KIF11: variants seen among roughly 807,000 people sequenced by gnomAD.
KIF11 encodes the protein kinesin-like protein KIF11.
Under a neutral mutation model 121.0 loss-of-function variants are expected in KIF11, and 9 were observed. The ratio of observed to expected loss-of-function variants is 0.07; its 90% confidence interval spans 0.04 to 0.13. The LOEUF (loss-of-function observed/expected upper bound fraction) is 0.13. Ranked by LOEUF, KIF11 falls within the 10% of genes least tolerant of loss-of-function variation. The pLI is 1.00. For synonymous variants in KIF11, 408 were observed against 421.0 expected, an observed-to-expected ratio of 0.97 and a Z score of 0.38; for missense variants, 846 against 1,217.5, an observed-to-expected ratio of 0.69 and a Z score of 4.54.
Position 92,637,377 on chromosome 10 carries a change from T to C in KIF11, c.2002-10T>C. On this transcript the variant is annotated splice_polypyrimidine_tract_variant and intron_variant, in intron 15 of 21. Transcript: ENST00000260731. ...GTTTAAGAAGGAAACTCATTTTTGT[T>C]TCTTCAAAGATAGAAGATCAAAAAA... The C allele has an allele frequency of 2.5e-6, 4 of 1,578,882 alleles. No individual in the cohort carries two copies. Among genetic ancestry groups the C allele is most frequent in the Non-Finnish European group, 3.4e-6 (4 of 1,171,710 alleles).
intron 9 of KIF11, among the ~76,000 whole-genome samples, chr10:92,617,985 G>A (rs965640263): frequency 7.2e-5 from 11 of 151,994 alleles, no homozygotes; most frequent in Admixed American, 1.3e-4. Context: ...TAATCTGCCC[G>A]CCTCAGCCTC....
At chr10:92,599,963 T>TA (rs1193306891) in intron 1 of KIF11, among the ~76,000 whole-genome samples, 17 of 147,508 alleles carry the variant, frequency 1.2e-4, no homozygotes, top group African/African-American at 2.8e-4. Flanking sequence ...TTTTTTTTTT[T>TA]AATTAACTAT....
chr10:92,602,805 TAA>T (rs1202606488), intron 1 of KIF11, among the ~76,000 whole-genome samples: 1 of 109,370 alleles, frequency 9.1e-6, no homozygotes, highest in Non-Finnish European at 1.8e-5. Context: ...CCTGGTTACT[TAA>T]ACACACACAC....
chr10:92,621,437 A>C lies in KIF11; in HGVS notation c.1181A>C (p.Glu394Ala), dbSNP rs1484500210. Residue 394 changes from glutamate to alanine, a missense_variant, in exon 10 of 22, where the codon GAG becomes GCG. Coordinates refer to ENST00000260731, the MANE Select transcript of KIF11 (RefSeq NM_004523.4). ...RLKRDLAAAR[E>A]KNGVYISEEN... Reference sequence around the variant, plus strand: ...AAACGAGATCTTGCTGCAGCCCGTGAGAAAAATGGAGTGTATATTTCTGAA... The same window carrying C: ...AAACGAGATCTTGCTGCAGCCCGTGCGAAAAATGGAGTGTATATTTCTGAA... 1.9e-6 allele frequency: 3 copies of C among 1,613,374 alleles called. No individual in the cohort carries two copies. Among genetic ancestry groups the C allele is most frequent in the Non-Finnish European group, 2.5e-6 (3 of 1,179,376 alleles).
intron 18 of KIF11, among the ~76,000 whole-genome samples, chr10:92,647,491 G>A (rs903207281): frequency 6.6e-6 from 1 of 152,060 alleles, no homozygotes; most frequent in Non-Finnish European, 1.5e-5. Context: ...GGTGAATTCT[G>A]GTTCAAACAA....
chr10:92,605,446 GT>G (rs1374097112), intron 1 of KIF11, among the ~76,000 whole-genome samples: 3 of 142,868 alleles, frequency 2.1e-5, no homozygotes, highest in South Asian at 2.2e-4. Flanking sequence ...AATTTGACAT[GT>G]TTTTTTCTAC....
chr10:92,609,615 T>A, intron 6 of KIF11, 106 bp downstream of exon 6: 2 of 1,037,420 alleles, frequency 1.9e-6, no homozygotes, highest in Non-Finnish European at 2.8e-6. Context: ...GTCACGTACC[T>A]AGAGTTTGTG....
In KIF11 at chr10:92,630,867, C is replaced by CAAA. The variant is rs58123701; in HGVS notation, c.1494+519_1494+521dup. Among the ~76,000 whole-genome samples the CAAA allele has an allele frequency of 3.9e-4, 39 of 99,918 alleles. No homozygotes were observed. The East Asian group carries it at 5.3e-3, about 14-fold the overall frequency. The allele number at this position is 99,918 out of a possible 152,430, so 65.6% of individuals were successfully genotyped here. On this transcript the variant is annotated intron_variant, in intron 12 of 21. Transcript: ENST00000260731. ...GGGCAACAAGAGCGAAACTCCGTCTCAAAAAAAAAAAAAAAAAAGAAAATA... is the reference window on the plus strand; with the variant it reads ...GGGCAACAAGAGCGAAACTCCGTCTCAAAAAAAAAAAAAAAAAAAAAGAAAATA...
chr10:92,651,520 T>G (rs1564719305), intron 21 of KIF11, among the ~76,000 whole-genome samples: 1 of 73,720 alleles, frequency 1.4e-5, no homozygotes, highest in Non-Finnish European at 2.4e-5. Flanking sequence ...TTTTTTTTTT[T>G]TTTTTTTTTT....
chr10:92,643,926 T>C (rs1844893466), intron 17 of KIF11, among the ~76,000 whole-genome samples: 1 of 152,176 alleles, frequency 6.6e-6, no homozygotes, highest in South Asian at 2.1e-4. Flanking sequence ...TTCAACCCTG[T>C]TTTTGATCCT....
intron 14 of KIF11, among the ~76,000 whole-genome samples, chr10:92,635,932 A>G (rs755033321): frequency 1.3e-5 from 2 of 152,234 alleles, no homozygotes; most frequent in African/African-American, 2.4e-5. Flanking sequence ...CAGTAGACCT[A>G]TAAGTATTTA....
intron 1 of KIF11, among the ~76,000 whole-genome samples, chr10:92,598,447 T>C (rs74929583): frequency 0.035 from 5,361 of 152,310 alleles, 356 homozygotes; most frequent in African/African-American, 0.12. Flanking sequence ...GTTCCATTGG[T>C]CTATAAGTCT....
intron 10 of KIF11, among the ~76,000 whole-genome samples, chr10:92,628,170 C>T (rs571253543): frequency 6.6e-6 from 1 of 152,020 alleles, no homozygotes; most frequent in South Asian, 2.1e-4. Flanking sequence ...CAGGACATCC[C>T]CACAATGAAG....
At chr10:92,644,914 G>A (rs759650309) in intron 17 of KIF11, among the ~76,000 whole-genome samples, 11 of 152,096 alleles carry the variant, frequency 7.2e-5, no homozygotes, top group Non-Finnish European at 1.6e-4. Flanking sequence ...TTATTAGAAA[G>A]CTTTATAGCT....
chr10:92,638,488 G>GT (rs1310795300), intron 16 of KIF11, among the ~76,000 whole-genome samples: 2 of 152,106 alleles, frequency 1.3e-5, no homozygotes, highest in Non-Finnish European at 2.9e-5. Flanking sequence ...CTTTTTAGGT[G>GT]TATATTCTAA....
At chr10:92,635,235 TAGG>T (rs1237680618) in intron 14 of KIF11, among the ~76,000 whole-genome samples, 1 of 152,202 alleles carries the variant, frequency 6.6e-6, no homozygotes, top group East Asian at 1.9e-4. Context: ...CATTATTTGA[TAGG>T]TTTTCTCAAT....
At chr10:92,652,623 A>G (rs1049171922) in intron 21 of KIF11, among the ~76,000 whole-genome samples, 1 of 152,200 alleles carries the variant, frequency 6.6e-6, no homozygotes, top group Admixed American at 6.5e-5. Context: ...TTAGAGAACT[A>G]TAAATATGTT....
chr10:92,618,537 T>C (rs1844583864), intron 9 of KIF11, among the ~76,000 whole-genome samples: 1 of 150,408 alleles, frequency 6.6e-6, no homozygotes, highest in African/African-American at 2.5e-5. Context: ...TCCCAGTTAC[T>C]CAGGAGGCTG....
chr10:92,630,203 A>T lies in KIF11; in HGVS notation c.1333A>T (p.Asn445Tyr), dbSNP rs1365304238. 1.3e-6 allele frequency: 2 copies of T among 1,579,888 alleles called. No individual in the cohort carries two copies. The highest frequency in any genetic ancestry group is 3.9e-5 in the Admixed American group (2 of 51,070). ...TACAGAGTTGTTTATGGATAATAAA[A>T]ATGAACTTGACCAGTGTAAATCTGA... Reference protein sequence around the residue: ...RVTELFMDNKNELDQCKSDLQ... With the variant: ...RVTELFMDNKYELDQCKSDLQ... Residue 445 changes from asparagine (N) to tyrosine (Y), a missense_variant, in exon 12 of 22, where the codon AAT becomes TAT. Asn to Tyr is a moderately radical substitution (Grantham distance 143, BLOSUM62 -2). This residue lies in a region of KIF11 where 95 missense variants were observed against 109.3 expected (regional missense o/e 0.87). Transcript: ENST00000260731.
Sources: allele counts gnomAD v4.1 joint callset (sites outside exome capture counted in the v4.1 genomes callset), GRCh38; gene constraint gnomAD v4.1.1; regional missense constraint gnomAD v4.1.1; transcripts MANE v1.5; gene names NCBI Gene and HGNC (gene_info 2026-07-23, HGNC 2026-07-21).